The following DNAJC1 variants were observed in gnomAD, a reference collection of about 807,000 sequenced individuals.
DNAJC1 encodes the protein dnaJ homolog subfamily C member 1.
In DNAJC1, 58 loss-of-function variants were observed where a neutral mutation model predicts 76.6. The ratio of observed to expected loss-of-function variants is 0.76; its 90% CI spans 0.61 to 0.94. DNAJC1 has a LOEUF of 0.94. Ranked by LOEUF, DNAJC1 falls within the 40% of genes least tolerant of loss-of-function variation. The pLI is 0.00. For missense variants in DNAJC1, 689 were observed against 677.3 expected (o/e 1.02, Z -0.19); for synonymous variants, 258 against 267.9 (o/e 0.96, Z 0.36).
intron 8 of DNAJC1, 127 bp downstream of exon 8, chr10:21,882,155 A>G: frequency 3.2e-6 from 3 of 934,076 alleles, no homozygotes; most frequent in Non-Finnish European, 4.5e-6. Flanking sequence ...CTCTGTCTCA[A>G]ACAAAACAAA....
intron 1 of DNAJC1, among the ~76,000 whole-genome samples, chr10:21,991,410 C>G (rs1474792156): frequency 3.3e-5 from 5 of 152,226 alleles, no homozygotes; most frequent in Admixed American, 2.0e-4. Flanking sequence ...TTCAGACAAC[C>G]AATGTTCCTA....
intron 8 of DNAJC1, among the ~76,000 whole-genome samples, chr10:21,823,827 G>A (rs792459): frequency 0.033 from 4,972 of 151,832 alleles, 145 homozygotes; most frequent in African/African-American, 0.081. Flanking sequence ...GTCCTGGGCC[G>A]CATCCAGTCT....
At chr10:21,858,403 C>T (rs2066270) in intron 8 of DNAJC1, among the ~76,000 whole-genome samples, 113,685 of 152,146 alleles carry the variant, frequency 0.75, 43,184 homozygotes, top group East Asian at 0.99. Flanking sequence ...TTGATTTAAA[C>T]GACCAGAATG....
intron 8 of DNAJC1, among the ~76,000 whole-genome samples, chr10:21,834,060 C>G (rs183963153): frequency 9.9e-5 from 15 of 151,944 alleles, no homozygotes; most frequent in Admixed American, 3.3e-4. Flanking sequence ...GTCAGGAGAT[C>G]GAGACCATCC....
At chr10:21,821,757 T>C (rs905167015) in intron 8 of DNAJC1, among the ~76,000 whole-genome samples, 1 of 152,064 alleles carries the variant, frequency 6.6e-6, no homozygotes, top group Non-Finnish European at 1.5e-5. Flanking sequence ...AATTTATAGA[T>C]TTATAGCTCT....
chr10:21,954,393 G>T (rs1466087299), intron 1 of DNAJC1, among the ~76,000 whole-genome samples: 4 of 152,134 alleles, frequency 2.6e-5, no homozygotes, highest in South Asian at 4.1e-4. Context: ...ACACTATGTT[G>T]CAGGAGCTGA....
At chr10:21,827,858 C>G (rs1001113301) in intron 8 of DNAJC1, among the ~76,000 whole-genome samples, 1 of 152,144 alleles carries the variant, frequency 6.6e-6, no homozygotes, top group African/African-American at 2.4e-5. Context: ...CTTTTGGACT[C>G]TTAGGTTGTT....
intron 1 of DNAJC1, among the ~76,000 whole-genome samples, chr10:21,932,606 T>C (rs74974068): frequency 0.014 from 2,078 of 152,272 alleles, 26 homozygotes; most frequent in Non-Finnish European, 0.022. Context: ...AAGGCCTTGG[T>C]TAGGTTCCTG....
intron 7 of DNAJC1, among the ~76,000 whole-genome samples, chr10:21,899,118 A>T (rs998780709): frequency 1.3e-5 from 2 of 152,190 alleles, no homozygotes; most frequent in Non-Finnish European, 1.5e-5. Flanking sequence ...CTTCTCTCAC[A>T]TATCTATGCA....
intron 7 of DNAJC1, among the ~76,000 whole-genome samples, chr10:21,890,428 AAAAAAAAAAAAAG>A (rs2131730419): frequency 6.6e-6 from 1 of 151,734 alleles, no homozygotes; most frequent in African/African-American, 2.4e-5. Flanking sequence ...CTACAAAAAA[AAAAAAAAAAAAAG>A]AAAGGAAGCC....
chr10:21,789,653 G>A (rs547217959), intron 9 of DNAJC1, among the ~76,000 whole-genome samples: 2 of 151,942 alleles, frequency 1.3e-5, no homozygotes, highest in South Asian at 2.1e-4. Context: ...GAAATTCAAC[G>A]GAGATAAATA....
rs1311280128 is a variant in DNAJC1, at chr10:21,816,998, C to CAA, written c.979-10901_979-10900dup. Among the ~76,000 whole-genome samples the CAA allele has an allele frequency of 3.1e-5, 4 of 128,132 alleles. No homozygotes were observed. The East Asian group carries it at 9.2e-4, about 29-fold the overall frequency. 84.1% of individuals were successfully genotyped at this position (128,132 alleles called of 152,430 possible). ...TGAAACCCCGTCTCTACTAAAAATA[C>CAA]AAAAAAAAAAAATTAGCCGGGCGTG... On this transcript the variant is annotated intron_variant, in intron 8 of 11. Transcript: ENST00000376980.
At chr10:21,792,307 A>G (rs1047741151) in intron 9 of DNAJC1, among the ~76,000 whole-genome samples, 2 of 152,216 alleles carry the variant, frequency 1.3e-5, no homozygotes, top group Non-Finnish European at 2.9e-5. Context: ...TATAATAACA[A>G]TTGTTCACAA....
intron 6 of DNAJC1, among the ~76,000 whole-genome samples, chr10:21,914,878 G>C (rs932778441): frequency 5.3e-5 from 8 of 151,868 alleles, no homozygotes; most frequent in African/African-American, 1.7e-4. Flanking sequence ...AGTTTTCTTT[G>C]GTCATCCCAA....
intron 1 of DNAJC1, among the ~76,000 whole-genome samples, chr10:21,945,844 A>C (rs1008417475): frequency 6.6e-6 from 1 of 152,138 alleles, no homozygotes; most frequent in African/African-American, 2.4e-5. Context: ...TAGTTTGTAC[A>C]ATTTTGCCCA....
intron 8 of DNAJC1, among the ~76,000 whole-genome samples, chr10:21,816,386 T>C (rs536564523): frequency 6.6e-6 from 1 of 151,588 alleles, no homozygotes. Context: ...CCTTTTTCCT[T>C]TTGGATTGCC....
chr10:21,871,942 G>T (rs1337070030), intron 8 of DNAJC1, among the ~76,000 whole-genome samples: 1 of 151,652 alleles, frequency 6.6e-6, no homozygotes, highest in Non-Finnish European at 1.5e-5. Flanking sequence ...GCCAAAATGT[G>T]CAATTTTCAA....
At chr10:21,833,432 T>C (rs139949549) in intron 8 of DNAJC1, among the ~76,000 whole-genome samples, 7 of 152,156 alleles carry the variant, frequency 4.6e-5, no homozygotes, top group South Asian at 2.1e-4. Context: ...GATGGTGCCA[T>C]TGCACTCCAG....
chr10:21,940,182 TAA>T (rs1837383195), intron 1 of DNAJC1, among the ~76,000 whole-genome samples: 2 of 152,052 alleles, frequency 1.3e-5, no homozygotes, highest in African/African-American at 4.8e-5. Context: ...GCTTTAGAAA[TAA>T]GTTTCAAAAT....
Sources: gnomAD v4.1 joint callset for allele counts (sites outside exome capture counted in the v4.1 genomes callset) on GRCh38, gnomAD v4.1.1 for gene constraint, MANE v1.5 for transcripts, NCBI Gene and HGNC (gene_info 2026-07-23, HGNC 2026-07-21) for gene names.